Variants in NBAS observed in about 807,000 individuals in gnomAD.
The protein encoded by NBAS is NAG/BC035112 fusion.
Under a neutral mutation model 302.5 loss-of-function variants are expected in NBAS, and 219 were observed. The observed-to-expected ratio is 0.72, with a 90% confidence interval of 0.65 to 0.81. The LOEUF is 0.81. NBAS is among the 30% of genes least tolerant of loss of function. NBAS has a pLI of 0.00. For missense variants in NBAS, 2,932 were observed against 2,841.6 expected (o/e 1.03, Z -0.72); for synonymous variants, 1,118 against 1,021.6 (o/e 1.09, Z -1.80).
chr2:15,551,598 A>G, intron 5 of NBAS, 62 bp from the exon 6 acceptor site: 3 of 1,272,850 alleles, frequency 2.4e-6, no homozygotes, highest in Non-Finnish European at 3.4e-6. Context: ...ACCATAAAAT[A>G]CCAGATACTG....
At chr2:14,888,149 G>C in the NBAS span, among the ~76,000 whole-genome samples, 1 of 152,030 alleles carries the variant, frequency 6.6e-6, no homozygotes, top group Non-Finnish European at 1.5e-5. Context: ...TTTATTTTTT[G>C]AAACGGAGTC....
At position 15,474,182 on chromosome 2, in the gene NBAS, A is replaced by G. The variant is rs1378804303; in HGVS notation, c.1484T>C (p.Leu495Ser). 1 of 1,614,008 alleles carries G rather than the reference A, an allele frequency of 6.2e-7. No individual in the cohort carries two copies. The highest frequency in any genetic ancestry group is 2.2e-5 in the East Asian group (1 of 44,878). Residue 495 changes from leucine to serine, a missense_variant, in exon 15 of 52, where the codon TTG becomes TCG. Coordinates refer to ENST00000281513, the MANE Select transcript of NBAS (RefSeq NM_015909.4). ...TGCAAATCGCTCCATTTCAGTCACC[A>G]AGTAAAGGCCCTGTTTTATATAACC... is the stretch of plus-strand genomic sequence containing the variant. ...YFGYIKQGLY[L>S]VTEMERFAPP...
the NBAS span, among the ~76,000 whole-genome samples, chr2:14,817,232 G>A: frequency 3.3e-5 from 5 of 152,088 alleles, no homozygotes; most frequent in African/African-American, 1.2e-4. Flanking sequence ...GGAGATTTTT[G>A]CACATCACCT....
At chr2:15,140,172 G>A in the NBAS span, among the ~76,000 whole-genome samples, 1 of 152,228 alleles carries the variant, frequency 6.6e-6, no homozygotes, top group Non-Finnish European at 1.5e-5. Context: ...AGTCCTCACT[G>A]AGGTTCCAGT....
At chr2:15,402,070 C>T in intron 26 of NBAS, 98 bp downstream of exon 26, 1 of 1,353,506 alleles carries the variant, frequency 7.4e-7, no homozygotes, top group Admixed American at 1.7e-5. Context: ...TTTCACATTC[C>T]CAAAATTCTC....
At chr2:15,389,202 A>G (rs1675466711) in intron 28 of NBAS, among the ~76,000 whole-genome samples, 1 of 152,222 alleles carries the variant, frequency 6.6e-6, no homozygotes, top group Non-Finnish European at 1.5e-5. Flanking sequence ...CAACTCCCAG[A>G]TGACCCCAGC....
At chr2:14,815,905 A>G in the NBAS span, among the ~76,000 whole-genome samples, 4 of 152,162 alleles carry the variant, frequency 2.6e-5, no homozygotes, top group Admixed American at 6.5e-5. Context: ...GTCACACACC[A>G]TCATACTCCT....
At chr2:14,780,700 C>T in the NBAS span, among the ~76,000 whole-genome samples, 3 of 152,212 alleles carry the variant, frequency 2.0e-5, no homozygotes, top group African/African-American at 7.2e-5. Flanking sequence ...CAAGTTAGAA[C>T]CCCACTTTCA....
At chr2:14,879,031 T>C in the NBAS span, among the ~76,000 whole-genome samples, 1 of 152,224 alleles carries the variant, frequency 6.6e-6, no homozygotes, top group South Asian at 2.1e-4. Context: ...TTTTCCAGAA[T>C]GGCATATATT....
At chr2:15,202,766 G>A (rs558202423) in intron 48 of NBAS, among the ~76,000 whole-genome samples, 80 of 152,158 alleles carry the variant, frequency 5.3e-4, no homozygotes, top group African/African-American at 1.3e-3. Flanking sequence ...TCAAACTCCC[G>A]ACCTCAGGTA....
chr2:14,991,815 G>A, the NBAS span, among the ~76,000 whole-genome samples: 1 of 152,216 alleles, frequency 6.6e-6, no homozygotes, highest in African/African-American at 2.4e-5. Context: ...ATTAAAGTTT[G>A]AGGAGCACTG....
the NBAS span, among the ~76,000 whole-genome samples, chr2:14,807,752 T>C: frequency 2.6e-5 from 4 of 152,314 alleles, no homozygotes; most frequent in East Asian, 7.7e-4. Flanking sequence ...AGTTCTGCCA[T>C]TCAATACCTA....
intron 15 of NBAS, among the ~76,000 whole-genome samples, 153 bp from the exon 16 acceptor site, chr2:15,473,500 G>T (rs907173843): frequency 2.0e-5 from 3 of 152,220 alleles, no homozygotes; most frequent in African/African-American, 7.2e-5. Flanking sequence ...CAGATATTTT[G>T]AGGAGCAGAA....
chr2:15,119,530 G>A, the NBAS span, among the ~76,000 whole-genome samples: 2 of 151,920 alleles, frequency 1.3e-5, no homozygotes, highest in Non-Finnish European at 2.9e-5. Flanking sequence ...TAGTAGAGAC[G>A]GGGTTTCACC....
At chr2:15,257,109 G>C (rs1254099760) in intron 44 of NBAS, among the ~76,000 whole-genome samples, 1 of 152,146 alleles carries the variant, frequency 6.6e-6, no homozygotes, top group Non-Finnish European at 1.5e-5. Context: ...TTTTGGAATA[G>C]TTTCAGTAAG....
At chr2:15,379,949 G>T in intron 29 of NBAS, 118 bp from the exon 30 acceptor site, 1 of 853,016 alleles carries the variant, frequency 1.2e-6, no homozygotes. Context: ...TAGAGGTGGT[G>T]GCTGCACAGC....
chr2:14,880,934 CA>C, the NBAS span, among the ~76,000 whole-genome samples: 1,632 of 140,554 alleles, frequency 0.012, 14 homozygotes, highest in Admixed American at 0.021. Context: ...TCCAGGATAG[CA>C]AAAAAAAAAA....
Position 15,252,519 on chromosome 2 carries a change from T to A in NBAS, c.5725-13833A>T, listed in dbSNP as rs551787088. 3.3e-5 allele frequency among the ~76,000 whole-genome samples: 5 copies of A among 149,610 alleles called. No homozygotes were observed. In the East Asian group the frequency reaches 9.8e-4, roughly 29 times the overall value. On this transcript the variant is annotated intron_variant, in intron 44 of 51. Transcript: ENST00000281513. ...ATCTCAAAAATAAATAAATAAAAAA[T>A]AAAATAAAAATTAAAAAAAAAAGAA...
intron 51 of NBAS, among the ~76,000 whole-genome samples, chr2:15,167,730 G>T (rs1363914911): frequency 6.6e-6 from 1 of 152,078 alleles, no homozygotes; most frequent in Non-Finnish European, 1.5e-5. Context: ...TGTAAATTTG[G>T]GTCAATCTTG....
Sources: gnomAD v4.1 joint callset for allele counts (sites outside exome capture counted in the v4.1 genomes callset) on GRCh38, gnomAD v4.1.1 for gene constraint, MANE v1.5 for transcripts, NCBI Gene and HGNC (gene_info 2026-07-23, HGNC 2026-07-21) for gene names.